The following ELOVL5 variants were observed in gnomAD, a reference collection of about 807,000 sequenced individuals.
ELOVL5 encodes the protein ELOVL fatty acid elongase 5.
ELOVL5 carries 8 observed loss-of-function variants against 38.6 expected under a neutral mutation model. The observed-to-expected ratio is 0.21, with a 90% confidence interval of 0.12 to 0.37. ELOVL5 has a LOEUF of 0.37. Ranked by LOEUF, ELOVL5 falls within the 10% of genes least tolerant of loss-of-function variation. ELOVL5 has a pLI of 1.00. For synonymous variants in ELOVL5, 127 were observed against 133.7 expected, an observed-to-expected ratio of 0.95 and a Z score of 0.34; for missense variants, 280 against 367.8, an observed-to-expected ratio of 0.76 and a Z score of 1.95.
At chr6:53,269,380 A>C in intron 7 of ELOVL5, 110 bp from the exon 8 acceptor site, 1 of 780,140 alleles carries the variant, frequency 1.3e-6, no homozygotes, top group Non-Finnish European at 1.9e-6. Context: ...ATCAAATCTT[A>C]TCAAGGAGAA....
chr6:53,308,977 T>A (rs937852712), intron 1 of ELOVL5, among the ~76,000 whole-genome samples: 7 of 152,048 alleles, frequency 4.6e-5, no homozygotes, highest in Non-Finnish European at 1.0e-4. Flanking sequence ...AGTTCTCATA[T>A]TTTTCAAACA....
intron 1 of ELOVL5, among the ~76,000 whole-genome samples, chr6:53,324,672 C>CAAA (rs200304234): frequency 2.0e-4 from 16 of 80,366 alleles, no homozygotes; most frequent in African/African-American, 1.3e-3. Flanking sequence ...GAGATCCTGT[C>CAAA]AAAAAAAAAA....
At chr6:53,322,654 T>G (rs1326417469) in intron 1 of ELOVL5, among the ~76,000 whole-genome samples, 1 of 152,182 alleles carries the variant, frequency 6.6e-6, no homozygotes, top group African/African-American at 2.4e-5. Flanking sequence ...AACTCCTACC[T>G]GGGCATTAAA....
At chr6:53,286,807 C>G (rs969524868) in intron 3 of ELOVL5, among the ~76,000 whole-genome samples, 2 of 152,052 alleles carry the variant, frequency 1.3e-5, no homozygotes, top group Admixed American at 1.3e-4. Context: ...GTATACCATT[C>G]ACGTATGGTT....
intron 1 of ELOVL5, among the ~76,000 whole-genome samples, chr6:53,323,586 T>TC (rs1554138987): frequency 2.1e-5 from 3 of 142,802 alleles, no homozygotes; most frequent in Non-Finnish European, 4.5e-5. Context: ...CTTTTTTTTT[T>TC]TTTTTTTTTT....
intron 1 of ELOVL5, among the ~76,000 whole-genome samples, chr6:53,321,391 T>C (rs1768298587): frequency 6.6e-6 from 1 of 152,238 alleles, no homozygotes; most frequent in South Asian, 2.1e-4. Flanking sequence ...GCAACATTTA[T>C]ATAAACACTT....
At chr6:53,307,323 C>G (rs1234928773) in intron 1 of ELOVL5, among the ~76,000 whole-genome samples, 1 of 151,998 alleles carries the variant, frequency 6.6e-6, no homozygotes, top group Non-Finnish European at 1.5e-5. Flanking sequence ...TCACCACTTA[C>G]TAGCTGTGTA....
chr6:53,270,600 T>C lies in ELOVL5; in HGVS notation c.749A>G (p.Tyr250Cys). Residue 250 changes from tyrosine (Y) to cysteine (C), a missense_variant, in exon 7 of 8, where the codon TAC becomes TGC. Coordinates refer to ENST00000304434, the MANE Select transcript of ELOVL5 (RefSeq NM_021814.5). The stretch of plus-strand genomic sequence containing the variant: ...GAGAAGGGTGAGATTTACCTGAATG[T>C]AGAAGTTTGTGAAGAGAGCAATCAG... Reference protein sequence around the residue: ...ISLIALFTNFYIQTYNKKGAS... With the variant: ...ISLIALFTNFCIQTYNKKGAS... The C allele has an allele frequency of 6.2e-7, 1 of 1,614,088 alleles. No individual in the cohort carries two copies. The highest frequency in any genetic ancestry group is 8.5e-7 in the Non-Finnish European group (1 of 1,179,984).
At chr6:53,294,012 C>T (rs748229949) in intron 2 of ELOVL5, 61 of 979,118 alleles carry the variant, frequency 6.2e-5, no homozygotes, top group Non-Finnish European at 7.5e-5. Flanking sequence ...CCAGTTCCCA[C>T]TTAGCAACTA....
At chr6:53,317,836 A>T (rs6907605) in intron 1 of ELOVL5, among the ~76,000 whole-genome samples, 20,506 of 83,162 alleles carry the variant, frequency 0.25, 1,641 homozygotes, top group African/African-American at 0.46. Context: ...AAAAAAAATT[A>T]AAAAAAATAA....
At chr6:53,279,229 A>G (rs567921866) in intron 3 of ELOVL5, among the ~76,000 whole-genome samples, 21 of 152,340 alleles carry the variant, frequency 1.4e-4, no homozygotes, top group East Asian at 3.9e-4. Context: ...AGGATTAAAC[A>G]TAAGTGTTGG....
intron 1 of ELOVL5, among the ~76,000 whole-genome samples, chr6:53,304,852 G>A: frequency 6.6e-6 from 1 of 152,150 alleles, no homozygotes; most frequent in Non-Finnish European, 1.5e-5. Flanking sequence ...GCAACCAACC[G>A]ATTTCTCAAT....
intron 3 of ELOVL5, among the ~76,000 whole-genome samples, chr6:53,291,506 ATACTT>A (rs1218481315): frequency 1.3e-5 from 2 of 152,212 alleles, no homozygotes; most frequent in South Asian, 2.1e-4. Context: ...ATTTCTGAAA[ATACTT>A]TAATTTTGAA....
chr6:53,288,017 C>T, intron 3 of ELOVL5: 1 of 1,205,600 alleles, frequency 8.3e-7, no homozygotes, highest in Admixed American at 2.0e-5. Flanking sequence ...AGAGTAGACA[C>T]ATTGAATGGC....
intron 1 of ELOVL5, among the ~76,000 whole-genome samples, chr6:53,317,800 T>C (rs1768117109): frequency 7.4e-6 from 1 of 135,546 alleles, no homozygotes; most frequent in Non-Finnish European, 1.6e-5. Context: ...ATAATAATAA[T>C]AAAATTTTAA....
At chr6:53,310,106 CCA>C (rs1248867598) in intron 1 of ELOVL5, among the ~76,000 whole-genome samples, 2 of 152,164 alleles carry the variant, frequency 1.3e-5, no homozygotes, top group Admixed American at 1.3e-4. Flanking sequence ...CTTTTGGTTA[CCA>C]CACATAATTA....
At chr6:53,314,909 AAATT>A (rs1309598174) in intron 1 of ELOVL5, among the ~76,000 whole-genome samples, 4 of 152,218 alleles carry the variant, frequency 2.6e-5, no homozygotes, top group African/African-American at 4.8e-5. Flanking sequence ...TATTTGAAGA[AAATT>A]AATGTAACTA....
At chr6:53,309,105 A>G (rs1767719896) in intron 1 of ELOVL5, among the ~76,000 whole-genome samples, 1 of 152,136 alleles carries the variant, frequency 6.6e-6, no homozygotes, top group South Asian at 2.1e-4. Flanking sequence ...TATTACTATC[A>G]GTAGAGGAGA....
intron 1 of ELOVL5, among the ~76,000 whole-genome samples, chr6:53,305,663 GCTC>G (rs1439754062): frequency 1.3e-5 from 2 of 149,844 alleles, no homozygotes; most frequent in Non-Finnish European, 3.0e-5. Context: ...GGGAAGAGGC[GCTC>G]CTCACTTCCC....
Sources: allele counts gnomAD v4.1 joint callset (sites outside exome capture counted in the v4.1 genomes callset), GRCh38; gene constraint gnomAD v4.1.1; transcripts MANE v1.5; gene names NCBI Gene and HGNC (gene_info 2026-07-23, HGNC 2026-07-21).